The following KMT2B variants were observed in gnomAD, a reference collection of about 807,000 sequenced individuals.
The protein encoded by KMT2B is lysine methyltransferase 2B.
In KMT2B, 22 loss-of-function variants were observed where a neutral mutation model predicts 255.3. The observed-to-expected ratio is 0.09, with a 90% CI of 0.06 to 0.12. The LOEUF (loss-of-function observed/expected upper bound fraction) is 0.12. KMT2B is among the 10% of genes least tolerant of loss of function. The pLI is 1.00. For missense variants in KMT2B, 3,149 were observed against 3,737.0 expected, an observed-to-expected ratio of 0.84 and a Z score of 4.10; for synonymous variants, 1,730 against 1,498.1, an observed-to-expected ratio of 1.15 and a Z score of -3.57.
Position 35,727,946 on chromosome 19 carries a change from C to T in KMT2B, c.4458C>T (p.Asp1486=), listed in dbSNP as rs1233487988. Residue 1486 remains aspartate, a synonymous_variant, in exon 18 of 37, where the codon GAC becomes GAT. Transcript: ENST00000420124. The surrounding 1 kb of genome is among the most constrained non-coding windows in gnomAD (Gnocchi z 4.2). ...MRHSEEGETP[D]RRAGGQMKGL... ...ACTCGGAGGAGGGAGAGACCCCGGACCGCCGGGCTGGAGGCCAGATGAAGG... is the reference window on the plus strand; with the variant it reads ...ACTCGGAGGAGGGAGAGACCCCGGATCGCCGGGCTGGAGGCCAGATGAAGG... 2 of 1,589,054 alleles carry T rather than the reference C, an allele frequency of 1.3e-6. No homozygotes were observed. Among genetic ancestry groups the T allele is most frequent in the Non-Finnish European group, 1.7e-6 (2 of 1,165,892 alleles).
chr19:35,718,457 G>T lies in KMT2B; in HGVS notation c.363+76G>T, dbSNP rs1444891046. 3.3e-6 allele frequency: 4 copies of T among 1,202,046 alleles called. No homozygotes were observed. Among genetic ancestry groups the T allele is most frequent in the Admixed American group, 4.5e-5 (1 of 22,364 alleles). The allele number at this position is 1,202,046 out of a possible 1,614,324, so 74.5% of individuals were successfully genotyped here. ...TTCCAGGGGTCTGGGTTGTCCCGGGGGCGGCGTGGGCAGGCCGGGTCCTCA... is the reference window on the plus strand; with the variant it reads ...TTCCAGGGGTCTGGGTTGTCCCGGGTGCGGCGTGGGCAGGCCGGGTCCTCA... On this transcript the variant is annotated intron_variant, in intron 1 of 36. Transcript: ENST00000420124. The surrounding 1 kb of genome is among the most constrained non-coding windows in gnomAD (Gnocchi z 5.0).
Position 35,732,862 on chromosome 19 carries a change from C to T in KMT2B, c.6313C>T (p.Pro2105Ser). The change falls in exon 28 of 37, where the codon CCT becomes TCT. Residue 2105 changes from proline to serine, a missense_variant. Transcript: ENST00000420124. ...VLGAAGDRAR[P>S]PEDLPSEIVD... ...TGGGGCTGCAGGGGACAGGGCCCGG[C>T]CTCCTGAGGACCTGCCATCGGAAAT... 1.2e-6 allele frequency: 2 copies of T among 1,609,800 alleles called. No individual in the cohort carries two copies. The highest frequency in any genetic ancestry group is 1.7e-6 in the Non-Finnish European group (2 of 1,178,668).
In KMT2B at chr19:35,718,180, G is replaced by A. The variant is rs1224470295; in HGVS notation, c.162G>A (p.Thr54=). The change falls in exon 1 of 37, where the codon ACG becomes ACA. Residue 54 remains threonine, a synonymous_variant. Transcript: ENST00000420124. The surrounding 1 kb of genome is among the most constrained non-coding windows in gnomAD (Gnocchi z 5.0). ...RVALRRGGGA[T]GPGGAEPGED... The stretch of plus-strand genomic sequence containing the variant: ...CTCTGCGGCGCGGCGGTGGCGCGAC[G>A]GGGCCGGGCGGAGCCGAGCCCGGGG... 1 of 1,111,780 alleles carries A rather than the reference G, an allele frequency of 9.0e-7. No individual in the cohort carries two copies. The highest frequency in any genetic ancestry group is 1.1e-6 in the Non-Finnish European group (1 of 911,754). 68.9% of individuals were successfully genotyped at this position (1,111,780 alleles called of 1,614,324 possible).
At position 35,732,915 on chromosome 19, in the gene KMT2B, G is replaced by T; in HGVS notation, c.6366G>T (p.Gly2122=). The change falls in exon 28 of 37, where the codon GGG becomes GGT. Residue 2122 remains glycine (G), a synonymous_variant. Transcript: ENST00000420124. ...TGGATTTTGTGTTGAAGAACCTAGGGGGTCCTGGGGATGGAGGTGCTGGCC... is the reference window on the plus strand; with the variant it reads ...TGGATTTTGTGTTGAAGAACCTAGGTGGTCCTGGGGATGGAGGTGCTGGCC... ...EIVDFVLKNL[G]GPGDGGAGPR... is the part of the protein sequence containing the mutation. 4 of 1,609,484 alleles carry T rather than the reference G, an allele frequency of 2.5e-6. No homozygotes were observed. The highest frequency in any genetic ancestry group is 3.4e-6 in the Non-Finnish European group (4 of 1,178,494).
In KMT2B at chr19:35,733,551, G is replaced by A. The variant is rs1314005755; in HGVS notation, c.6959+43G>A. The stretch of plus-strand genomic sequence containing the variant: ...GGCTGGCAGAGCAGGCAAGGGGGCA[G>A]ATGGGCGGGAGATGCGGCTCATCCT... On this transcript the variant is annotated intron_variant, in intron 28 of 36. Coordinates refer to ENST00000420124, the MANE Select transcript of KMT2B (RefSeq NM_014727.3). The surrounding 1 kb of genome is among the most constrained non-coding windows in gnomAD (Gnocchi z 4.3). 1.9e-6 allele frequency: 3 copies of A among 1,555,724 alleles called. No individual in the cohort carries two copies. The highest frequency in any genetic ancestry group is 2.7e-5 in the African/African-American group (2 of 73,398).
rs1969295262 is a variant in KMT2B at position 35,723,335 on chromosome 19, ACTC to A, written c.3002+65_3002+67del. 6.4e-7 allele frequency: 1 copy of A among 1,572,394 alleles called. No individual in the cohort carries two copies. The highest frequency in any genetic ancestry group is 2.3e-5 in the East Asian group (1 of 43,818). On this transcript the variant is annotated intron_variant, in intron 6 of 36. Transcript: ENST00000420124. This position sits in a 1 kb window ranked among gnomAD's most constrained non-coding sequence, Gnocchi z 7.5. ...GTTGGTCCCCTAGGCTTCCTACCTC[ACTC>A]CTCTTCTGCCTGGCCAGAGCAGTGG...
Position 35,723,429 on chromosome 19 carries a change from T to C in KMT2B, c.3003-18T>C. 1 of 1,570,642 alleles carries C rather than the reference T, an allele frequency of 6.4e-7. No homozygotes were observed. Among genetic ancestry groups the C allele is most frequent in the African/African-American group, 1.4e-5 (1 of 73,796 alleles). On this transcript the variant is annotated intron_variant, in intron 6 of 36. Transcript: ENST00000420124. The surrounding 1 kb of genome is among the most constrained non-coding windows in gnomAD (Gnocchi z 7.5). ...CCACCAGTCCCCTACCCTGGTGACG[T>C]GCTGCTCCCCTCCCCAGATACCGGA...
rs1969204461 is a variant in KMT2B, at chr19:35,721,459, G to A, written c.2112G>A (p.Leu704=). The A allele has an allele frequency of 6.2e-7, 1 of 1,612,620 alleles. No homozygotes were observed. The highest frequency in any genetic ancestry group is 8.5e-7 in the Non-Finnish European group (1 of 1,179,834). The change falls in exon 3 of 37, where the codon CTG becomes CTA. Residue 704 remains leucine, a synonymous_variant. Transcript: ENST00000420124. The part of the protein sequence containing the change: ...RAVGRTNHLS[L]PRFAPVVTTP... ...TGGGCCGCACCAACCACCTCAGCCT[G>A]CCTCGATTCGCCCCTGTGGTCACCA...
At chr19:35,731,623 C>T (rs2146465266) in intron 26 of KMT2B, among the ~76,000 whole-genome samples, 1 of 152,242 alleles carries the variant, frequency 6.6e-6, no homozygotes, top group South Asian at 2.1e-4. Flanking sequence ...ACTGGCCGTG[C>T]TGGAGGGAGG....
At chr19:35,722,074 G>A (rs1969240023) in intron 3 of KMT2B, among the ~76,000 whole-genome samples, 1 of 150,482 alleles carries the variant, frequency 6.6e-6, no homozygotes, top group Non-Finnish European at 1.5e-5. Context: ...GCGTGATCTC[G>A]GCTCACTGCA....
In KMT2B at chr19:35,720,391, G is replaced by A. The variant is rs1294611442; in HGVS notation, c.1044G>A (p.Gln348=). The part of the protein sequence containing the change: ...DVPQRRVGSG[Q]GGSPCWKKQE... ...CCCAAAGAAGAGTTGGATCTGGACA[G>A]GGAGGGAGCCCTTGCTGGAAAAAGC... The change falls in exon 3 of 37, where the codon CAG becomes CAA. Residue 348 remains glutamine (Q), a synonymous_variant. Transcript: ENST00000420124. The A allele has an allele frequency of 1.0e-5, 16 of 1,582,494 alleles. No individual in the cohort carries two copies. In the Admixed American group the frequency reaches 2.4e-4, roughly 24 times the overall value.
At position 35,725,331 on chromosome 19, in the gene KMT2B, G is replaced by A; in HGVS notation, c.3640G>A (p.Glu1214Lys). ...GCTGTGTGCCAGCAAAGGACTCCAC[G>A]AGGTTAGATCTCTGCCTTTCTTCAC... ...CLLCASKGLH[E>K]LVFCQVCCDP... The change falls in exon 11 of 37, where the codon GAG becomes AAG. Residue 1214 changes from glutamate (E) to lysine (K), a missense_variant and splice_region_variant. By Grantham distance (56) the Glu-to-Lys change is moderately conservative. This residue lies in a region of KMT2B where 42 missense variants were observed against 121.0 expected (regional missense o/e 0.35). Coordinates refer to ENST00000420124, the MANE Select transcript of KMT2B (RefSeq NM_014727.3). This position sits in a 1 kb window ranked among gnomAD's most constrained non-coding sequence, Gnocchi z 4.1. The A allele has an allele frequency of 2.6e-6, 4 of 1,563,148 alleles. No individual in the cohort carries two copies. Among genetic ancestry groups the A allele is most frequent in the Non-Finnish European group, 2.6e-6 (3 of 1,154,638 alleles).
At chr19:35,730,680 T>C in intron 25 of KMT2B, 27 bp from the exon 26 acceptor site, 1 of 1,613,910 alleles carries the variant, frequency 6.2e-7, no homozygotes, top group Non-Finnish European at 8.5e-7. Context: ...TTCCCAAGCA[T>C]CCTAACCGTC....
rs1472815410 is a variant in KMT2B at position 35,725,294 on chromosome 19, G to A, written c.3603G>A (p.Pro1201=). Residue 1201 remains proline (P), a synonymous_variant, in exon 11 of 37, where the codon CCG becomes CCA. Transcript: ENST00000420124. This position sits in a 1 kb window ranked among gnomAD's most constrained non-coding sequence, Gnocchi z 4.1. ...TCACCTCTGTGCCAGGGGGCCCCCCGATGGTGTGCTTGCTGTGTGCCAGCA... is the reference window on the plus strand; with the variant it reads ...TCACCTCTGTGCCAGGGGGCCCCCCAATGGTGTGCTTGCTGTGTGCCAGCA... ...SVLTSVPGGP[P]MVCLLCASKG... The A allele has an allele frequency of 1.9e-6, 3 of 1,578,580 alleles. No individual in the cohort carries two copies. The highest frequency in any genetic ancestry group is 1.2e-5 in the South Asian group (1 of 85,332).
chr19:35,718,168 C>T lies in KMT2B; in HGVS notation c.150C>T (p.Gly50=), dbSNP rs1442219899. The T allele has an allele frequency of 2.7e-5, 29 of 1,086,228 alleles. No homozygotes were observed. Among genetic ancestry groups the T allele is most frequent in the Non-Finnish European group, 3.1e-5 (28 of 896,238 alleles). 67.3% of individuals were successfully genotyped at this position (1,086,228 alleles called of 1,614,324 possible). A position where few individuals can be genotyped will look rare whatever the true frequency, so the allele number is the denominator to read the frequency against. The change falls in exon 1 of 37, where the codon GGC becomes GGT. Residue 50 remains glycine, a synonymous_variant. Transcript: ENST00000420124. This position sits in a 1 kb window ranked among gnomAD's most constrained non-coding sequence, Gnocchi z 5.0. The part of the protein sequence containing the change: ...AERVRVALRR[G]GGATGPGGAE... ...GAGTGCGGGTAGCTCTGCGGCGCGG[C>T]GGTGGCGCGACGGGGCCGGGCGGAG...
At position 35,720,222 on chromosome 19, in the gene KMT2B, G is replaced by T. The variant is rs1969128230; in HGVS notation, c.875G>T (p.Gly292Val). The change falls in exon 3 of 37, where the codon GGC becomes GTC. Residue 292 changes from glycine (G) to valine (V), a missense_variant. Physicochemically the swap from Gly to Val is moderately radical, Grantham distance 109. Transcript: ENST00000420124. ...GGQSSRGGRG[G>V]RGRGRGGGLP... ...CAGTCAAGCCGTGGAGGCCGTGGAGGCAGGGGCCGCGGCCGAGGTGGTGGG... is the reference window on the plus strand; with the variant it reads ...CAGTCAAGCCGTGGAGGCCGTGGAGTCAGGGGCCGCGGCCGAGGTGGTGGG... The T allele has an allele frequency of 1.2e-6, 2 of 1,610,482 alleles. No homozygotes were observed. Among genetic ancestry groups the T allele is most frequent in the South Asian group, 2.2e-5 (2 of 90,570 alleles).
Position 35,725,860 on chromosome 19 carries a change from T to C in KMT2B, c.3885+42T>C, listed in dbSNP as rs1254397133. ...ACCCACTTGCTTTGTCTCTAATGAA[T>C]ATCACCACCACCCCCAAACTTGCTC... is the stretch of plus-strand genomic sequence containing the variant. On this transcript the variant is annotated intron_variant, in intron 13 of 36. Transcript: ENST00000420124. The surrounding 1 kb of genome is among the most constrained non-coding windows in gnomAD (Gnocchi z 4.1). 1 of 1,486,830 alleles carries C rather than the reference T, an allele frequency of 6.7e-7. No homozygotes were observed. The highest frequency in any genetic ancestry group is 1.4e-5 in the African/African-American group (1 of 71,882). 92.1% of individuals were successfully genotyped at this position (1,486,830 alleles called of 1,614,324 possible).
Position 35,720,690 on chromosome 19 carries a change from C to A in KMT2B, c.1343C>A (p.Pro448His). Residue 448 changes from proline (P) to histidine (H), a missense_variant, in exon 3 of 37, where the codon CCT becomes CAT. Around this residue, in one of 18 missense-constraint regions of KMT2B, gnomAD observed 1,188 missense variants for 1,106.4 expected, o/e 1.07. Coordinates refer to ENST00000420124, the MANE Select transcript of KMT2B (RefSeq NM_014727.3). ...PPPLPSPPPPPAQEEQEESPP... is the reference protein window; with the variant it reads ...PPPLPSPPPPHAQEEQEESPP... Reference sequence around the variant, plus strand: ...CCTCTACCATCCCCTCCACCGCCTCCTGCCCAAGAGGAGCAGGAGGAATCC... The same window carrying A: ...CCTCTACCATCCCCTCCACCGCCTCATGCCCAAGAGGAGCAGGAGGAATCC... 1 of 1,482,290 alleles carries A rather than the reference C, an allele frequency of 6.7e-7. No individual in the cohort carries two copies. Among genetic ancestry groups the A allele is most frequent in the Non-Finnish European group, 8.9e-7 (1 of 1,118,556 alleles). The allele number at this position is 1,482,290 out of a possible 1,614,324, so 91.8% of individuals were successfully genotyped here. A position where few individuals can be genotyped will look rare whatever the true frequency, so the allele number is the denominator to read the frequency against.
At position 35,721,456 on chromosome 19, in the gene KMT2B, C is replaced by T. The variant is rs1162456922; in HGVS notation, c.2109C>T (p.Ser703=). The change falls in exon 3 of 37, where the codon AGC becomes AGT. Residue 703 remains serine, a synonymous_variant. Coordinates refer to ENST00000420124, the MANE Select transcript of KMT2B (RefSeq NM_014727.3). ...CAGTGGGCCGCACCAACCACCTCAG[C>T]CTGCCTCGATTCGCCCCTGTGGTCA... ...PRAVGRTNHL[S]LPRFAPVVTT... 6.2e-7 allele frequency: 1 copy of T among 1,612,758 alleles called. No individual in the cohort carries two copies. The highest frequency in any genetic ancestry group is 8.5e-7 in the Non-Finnish European group (1 of 1,179,822).
Sources: allele counts gnomAD v4.1 joint callset (sites outside exome capture counted in the v4.1 genomes callset), GRCh38; gene constraint gnomAD v4.1.1; regional missense constraint gnomAD v4.1.1; non-coding constraint Gnocchi (gnomAD v3.1); transcripts MANE v1.5; gene names NCBI Gene and HGNC (gene_info 2026-07-23, HGNC 2026-07-21).